CTNNA3: variants seen among roughly 807,000 people sequenced by gnomAD.
The protein encoded by CTNNA3 is catenin alpha-3.
CTNNA3 carries 76 observed loss-of-function variants against 95.7 expected under a neutral mutation model. The observed-to-expected ratio is 0.79, with a 90% CI of 0.66 to 0.96. The LOEUF is 0.96. Among genes scored for constraint, CTNNA3 ranks in the 40% least tolerant of loss-of-function variants. The pLI, the probability that CTNNA3 is intolerant of heterozygous loss-of-function variation, is 0.00. For missense variants in CTNNA3, 1,191 were observed against 1,089.8 expected, an observed-to-expected ratio of 1.09 and a Z score of -1.31; for synonymous variants, 431 against 374.4, an observed-to-expected ratio of 1.15 and a Z score of -1.74.
chr10:66,574,963 A>C (rs1842965555), intron 10 of CTNNA3, among the ~76,000 whole-genome samples: 1 of 152,158 alleles, frequency 6.6e-6, no homozygotes, highest in Non-Finnish European at 1.5e-5. Flanking sequence ...TCTATTCAAG[A>C]ACCTAGAAAA....
intron 7 of CTNNA3, among the ~76,000 whole-genome samples, chr10:66,988,245 A>G (rs920175917): frequency 6.6e-6 from 1 of 152,102 alleles, no homozygotes; most frequent in African/African-American, 2.4e-5. Flanking sequence ...ATACTACCTC[A>G]CAGGATCATT....
chr10:66,928,110 G>A (rs997661924), intron 7 of CTNNA3: 5 of 1,614,068 alleles, frequency 3.1e-6, no homozygotes, highest in African/African-American at 1.3e-5. Flanking sequence ...TGCCCCCGAC[G>A]GTGGGAGCCA....
At chr10:66,879,041 T>C (rs569801280) in intron 7 of CTNNA3, among the ~76,000 whole-genome samples, 27 of 152,240 alleles carry the variant, frequency 1.8e-4, no homozygotes, top group Non-Finnish European at 3.5e-4. Context: ...AATTCTGTGA[T>C]AGAGGTAGTT....
At chr10:67,153,588 G>A (rs113466077) in intron 7 of CTNNA3, among the ~76,000 whole-genome samples, 1 of 152,178 alleles carries the variant, frequency 6.6e-6, no homozygotes, top group South Asian at 2.1e-4. Flanking sequence ...CGACAGCAGC[G>A]ATCTTTCTAA....
intron 11 of CTNNA3, among the ~76,000 whole-genome samples, chr10:66,512,657 G>A (rs1475200919): frequency 6.6e-6 from 1 of 152,042 alleles, no homozygotes; most frequent in Non-Finnish European, 1.5e-5. Flanking sequence ...TCAGAGGTTG[G>A]AGTCCCTTAA....
At chr10:66,540,517 C>T (rs1469707004) in intron 10 of CTNNA3, among the ~76,000 whole-genome samples, 1 of 152,090 alleles carries the variant, frequency 6.6e-6, no homozygotes, top group Non-Finnish European at 1.5e-5. Context: ...AAACTGAAAG[C>T]TCTTAGCCTG....
intron 17 of CTNNA3, among the ~76,000 whole-genome samples, chr10:65,958,734 G>A (rs1361631414): frequency 1.3e-5 from 2 of 152,128 alleles, no homozygotes; most frequent in African/African-American, 4.8e-5. Flanking sequence ...AAGTGCTGCT[G>A]CCTGATCCCT....
chr10:67,323,414 C>T (rs540310390), intron 5 of CTNNA3, among the ~76,000 whole-genome samples: 81 of 152,166 alleles, frequency 5.3e-4, no homozygotes, highest in Non-Finnish European at 8.8e-4. Flanking sequence ...GGAAGGGGTC[C>T]GGTTTCAATC....
At chr10:66,252,658 CCAAA>C (rs2090605751) in intron 13 of CTNNA3, among the ~76,000 whole-genome samples, 1 of 152,006 alleles carries the variant, frequency 6.6e-6, no homozygotes, top group Non-Finnish European at 1.5e-5. Flanking sequence ...AAAGTGGCAT[CCAAA>C]CAAAGAACCA....
rs139116294 is a variant in CTNNA3 at position 67,510,460 on chromosome 10, CT to C, written c.579+11381del. Among the ~76,000 whole-genome samples, 609 of 140,686 alleles carry C rather than the reference CT, an allele frequency of 4.3e-3. 2 individuals are homozygous for C. Among genetic ancestry groups the C allele is most frequent in the Non-Finnish European group, 5.4e-3 (348 of 64,122 alleles). The allele number at this position is 140,686 out of a possible 152,430, so 92.3% of individuals were successfully genotyped here. A position where few individuals can be genotyped will look rare whatever the true frequency, so the allele number is the denominator to read the frequency against. On this transcript the variant is annotated intron_variant, in intron 5 of 17. Transcript: ENST00000433211. ...TAAATAGGGAATCCTTTCTTCACTT[CT>C]TTTTTTTTTTTTGGTCAGGTTTGTC...
intron 5 of CTNNA3, among the ~76,000 whole-genome samples, chr10:67,228,801 T>C (rs762066435): frequency 6.6e-6 from 1 of 151,940 alleles, no homozygotes; most frequent in African/African-American, 2.4e-5. Context: ...AACAGACCAA[T>C]AACAAGCAGC....
intron 15 of CTNNA3, among the ~76,000 whole-genome samples, chr10:66,055,375 T>C (rs1484940173): frequency 6.6e-6 from 1 of 152,188 alleles, no homozygotes; most frequent in Admixed American, 6.5e-5. Flanking sequence ...TGGCCATTTT[T>C]GTGTCCCCTT....
Position 66,328,722 on chromosome 10 carries a change from T to C in CTNNA3, c.1733-48101A>G, listed in dbSNP as rs1379793984. Among the ~76,000 whole-genome samples the C allele has an allele frequency of 3.3e-5, 5 of 151,390 alleles. No individual in the cohort carries two copies. The East Asian group carries it at 9.8e-4, about 30-fold the overall frequency. On this transcript the variant is annotated intron_variant, in intron 12 of 17. Transcript: ENST00000433211. ...GCTGAGAAGCCCACAATATGCCTTC[T>C]GCAGGCTGGAGACCCACTAAATCTG...
chr10:66,761,878 T>G (rs1238433933), intron 9 of CTNNA3, among the ~76,000 whole-genome samples: 1 of 152,174 alleles, frequency 6.6e-6, no homozygotes, highest in East Asian at 1.9e-4. Flanking sequence ...ATAATTAATT[T>G]TAAGTACTTA....
intron 11 of CTNNA3, among the ~76,000 whole-genome samples, chr10:66,515,106 C>CA (rs959616263): frequency 6.6e-5 from 10 of 151,756 alleles, no homozygotes; most frequent in African/African-American, 2.2e-4. Flanking sequence ...GTGGTAATAA[C>CA]AAAAAAATAG....
At chr10:67,669,028 T>C (rs1272814258) in intron 1 of CTNNA3, among the ~76,000 whole-genome samples, 3 of 151,850 alleles carry the variant, frequency 2.0e-5, no homozygotes, top group Non-Finnish European at 4.4e-5. Context: ...TTAGTAGAGA[T>C]GGGGTTTCAC....
chr10:66,901,728 C>T (rs917323036), intron 7 of CTNNA3, among the ~76,000 whole-genome samples: 2 of 152,086 alleles, frequency 1.3e-5, no homozygotes, highest in African/African-American at 2.4e-5. Flanking sequence ...GGTTGCAATC[C>T]TAGTCTCTGA....
intron 11 of CTNNA3, among the ~76,000 whole-genome samples, chr10:66,418,668 A>G (rs1564943756): frequency 6.6e-6 from 1 of 151,504 alleles, no homozygotes; most frequent in Non-Finnish European, 1.5e-5. Flanking sequence ...AGCACATCAA[A>G]AAAATAATAC....
intron 5 of CTNNA3, among the ~76,000 whole-genome samples, chr10:67,234,835 G>A (rs1865379652): frequency 6.6e-6 from 1 of 151,152 alleles, no homozygotes; most frequent in East Asian, 1.9e-4. Context: ...CAAAATCAAT[G>A]TACAAAAATC....
Sources: allele counts gnomAD v4.1 joint callset (sites outside exome capture counted in the v4.1 genomes callset), GRCh38; gene constraint gnomAD v4.1.1; transcripts MANE v1.5; gene names NCBI Gene and HGNC (gene_info 2026-07-23, HGNC 2026-07-21).